Variants in XKR4 observed in about 807,000 individuals in gnomAD.
The protein encoded by XKR4 is XK related 4.
XKR4 carries 12 observed loss-of-function variants against 53.9 expected under a neutral mutation model. The ratio of observed to expected loss-of-function variants is 0.22; its 90% CI spans 0.14 to 0.36. The LOEUF (loss-of-function observed/expected upper bound fraction) is 0.36, where lower values mean the gene tolerates loss of function less well. XKR4 is among the 10% of genes least tolerant of loss of function. The pLI, the probability that XKR4 is intolerant of heterozygous loss-of-function variation, is 1.00. For missense variants in XKR4, 799 were observed against 859.5 expected (o/e 0.93, Z 0.88); for synonymous variants, 354 against 362.4 (o/e 0.98, Z 0.26).
In XKR4 at chr8:55,149,694, C is replaced by T. The variant is rs147216370; in HGVS notation, c.806+46400C>T. 2.2e-3 allele frequency among the ~76,000 whole-genome samples: 329 copies of T among 152,164 alleles called. 1 individual carries two copies. Among genetic ancestry groups the T allele is most frequent in the African/African-American group, 6.7e-3 (280 of 41,512 alleles). ...TTTATAGCTTAGCTGAGCCCATAGC[C>T]GGACAGCAGCCAGCAGGCTGGGATT... On this transcript the variant is annotated intron_variant, in intron 1 of 2. Transcript: ENST00000327381.
At chr8:55,319,705 A>G (rs1383659620) in intron 1 of XKR4, among the ~76,000 whole-genome samples, 4 of 152,254 alleles carry the variant, frequency 2.6e-5, no homozygotes, top group African/African-American at 9.6e-5. Context: ...ATAACAAAGT[A>G]TGAAGGACCT....
rs1053451266 is a variant in XKR4, at chr8:55,225,844, A to T, written c.806+122550A>T. ...ACTCCACATAAAATGTACTATTATA[A>T]TGTCTCAAGTGTTTTAGTTTGTTTG... On this transcript the variant is annotated intron_variant, in intron 1 of 2. Coordinates refer to ENST00000327381, the MANE Select transcript of XKR4 (RefSeq NM_052898.2). 2.0e-5 allele frequency among the ~76,000 whole-genome samples: 3 copies of T among 152,242 alleles called. No individual in the cohort carries two copies. The South Asian group carries it at 6.2e-4, about 31-fold the overall frequency.
chr8:55,512,899 A>T (rs986736672), intron 2 of XKR4, among the ~76,000 whole-genome samples: 2 of 151,818 alleles, frequency 1.3e-5, no homozygotes, highest in Non-Finnish European at 2.9e-5. Context: ...GTTTAAGCAG[A>T]CTCCCAGCTC....
rs1457418834 is a variant in XKR4, at chr8:55,398,549, G to A, written c.1006+40672G>A. ...GAAAGGAGGATGAGTTCCTCCACAC[G>A]GTGGAGGAGGGCGTGTTCATCTTTG... On this transcript the variant is annotated intron_variant, in intron 2 of 2. Transcript: ENST00000327381. Among the ~76,000 whole-genome samples, 5 of 152,164 alleles carry A rather than the reference G, an allele frequency of 3.3e-5. No individual in the cohort carries two copies. In the South Asian group the frequency reaches 6.2e-4, roughly 19 times the overall value.
intron 2 of XKR4, among the ~76,000 whole-genome samples, chr8:55,478,739 G>A (rs942326394): frequency 3.9e-5 from 6 of 151,990 alleles, no homozygotes; most frequent in Non-Finnish European, 4.4e-5. Flanking sequence ...AAAAAGGCAG[G>A]GGTTGCAATC....
At chr8:55,330,415 A>G (rs1755099689) in intron 1 of XKR4, among the ~76,000 whole-genome samples, 1 of 152,200 alleles carries the variant, frequency 6.6e-6, no homozygotes, top group Non-Finnish European at 1.5e-5. Flanking sequence ...AGAAGGGAGT[A>G]ATATATCTGA....
intron 1 of XKR4, among the ~76,000 whole-genome samples, chr8:55,202,621 G>T (rs554955849): frequency 6.6e-6 from 1 of 152,276 alleles, no homozygotes; most frequent in South Asian, 2.1e-4. Context: ...GAAGGTCTGG[G>T]GTTTGCTGGG....
intron 2 of XKR4, among the ~76,000 whole-genome samples, chr8:55,396,667 C>T (rs368672462): frequency 2.2e-4 from 33 of 152,102 alleles, no homozygotes; most frequent in African/African-American, 7.5e-4. Flanking sequence ...GGAGGTAAAG[C>T]GGAACTGGAA....
At chr8:55,289,514 CAA>C (rs1363602649) in intron 1 of XKR4, among the ~76,000 whole-genome samples, 2 of 56,682 alleles carry the variant, frequency 3.5e-5, no homozygotes, top group Non-Finnish European at 6.6e-5. Flanking sequence ...GATTCTGTCT[CAA>C]AAAAAAAAAA....
intron 2 of XKR4, among the ~76,000 whole-genome samples, chr8:55,477,331 C>T (rs917389643): frequency 1.3e-5 from 2 of 152,280 alleles, no homozygotes; most frequent in East Asian, 1.9e-4. Flanking sequence ...TCCAACAGAC[C>T]TGCAGCTGAG....
chr8:55,317,937 A>G (rs1803126705), intron 1 of XKR4, among the ~76,000 whole-genome samples: 2 of 152,324 alleles, frequency 1.3e-5, no homozygotes, highest in South Asian at 4.1e-4. Flanking sequence ...TAAAAATAAA[A>G]ACCACTAAGA....
At chr8:55,222,043 G>A (rs1817888457) in intron 1 of XKR4, among the ~76,000 whole-genome samples, 1 of 152,180 alleles carries the variant, frequency 6.6e-6, no homozygotes, top group Non-Finnish European at 1.5e-5. Flanking sequence ...TCCTGTCCCA[G>A]AGAGTGCCCC....
intron 2 of XKR4, among the ~76,000 whole-genome samples, chr8:55,394,871 C>G (rs1398492904): frequency 6.6e-6 from 1 of 152,204 alleles, no homozygotes; most frequent in Non-Finnish European, 1.5e-5. Context: ...TCATGAAATT[C>G]TCCATCTTTT....
At chr8:55,459,059 T>C (rs1478613090) in intron 2 of XKR4, among the ~76,000 whole-genome samples, 1 of 152,160 alleles carries the variant, frequency 6.6e-6, no homozygotes, top group African/African-American at 2.4e-5. Context: ...TGTAATGATA[T>C]TGGAGTAATA....
intron 2 of XKR4, chr8:55,451,609 C>T (rs1378416170): frequency 1.4e-6 from 2 of 1,462,876 alleles, no homozygotes; most frequent in Non-Finnish European, 9.3e-7. Context: ...AACGGTGAAG[C>T]GGTTCTGGCG....
chr8:55,527,627 T>C lies in XKR4; in HGVS notation c.*3400T>C, dbSNP rs181031724. On this transcript the variant is annotated 3_prime_UTR_variant, in exon 3 of 3. Coordinates refer to ENST00000327381, the MANE Select transcript of XKR4 (RefSeq NM_052898.2). ...AATGACTATGTCCTTTAAATCCTCT[T>C]TGCTTATTTACTTAACTACATACTG... The C allele has an allele frequency of 1.3e-5, 2 of 152,332 alleles. No individual in the cohort carries two copies. Among genetic ancestry groups the C allele is most frequent in the East Asian group, 1.9e-4 (1 of 5,190 alleles). The allele number at this position is 152,332 out of a possible 1,614,324, so 9.4% of individuals were successfully genotyped here. A position where few individuals can be genotyped will look rare whatever the true frequency, so the allele number is the denominator to read the frequency against.
At chr8:55,469,360 C>G (rs1167959499) in intron 2 of XKR4, among the ~76,000 whole-genome samples, 1 of 152,070 alleles carries the variant, frequency 6.6e-6, no homozygotes, top group Non-Finnish European at 1.5e-5. Context: ...TTTTTGTCTT[C>G]CCCATGCTTA....
intron 1 of XKR4, among the ~76,000 whole-genome samples, chr8:55,318,639 T>C (rs147874344): frequency 1.3e-5 from 2 of 152,306 alleles, no homozygotes; most frequent in South Asian, 2.1e-4. Flanking sequence ...GAGAACCTAC[T>C]ACCCTAACAT....
chr8:55,539,362 A>C lies in XKR4; in HGVS notation c.*15135A>C, dbSNP rs1194678182. 6.6e-6 allele frequency: 1 copy of C among 152,214 alleles called. No individual in the cohort carries two copies. Among genetic ancestry groups the C allele is most frequent in the African/African-American group, 2.4e-5 (1 of 41,460 alleles). 9.4% of individuals were successfully genotyped at this position (152,214 alleles called of 1,614,324 possible). A position where few individuals can be genotyped will look rare whatever the true frequency, so the allele number is the denominator to read the frequency against. ...AATGTGCACACTCTTAAAAACACAA[A>C]ATGGGTTTCAGAAAGTTTACCTTGA... On this transcript the variant is annotated 3_prime_UTR_variant, in exon 3 of 3. Coordinates refer to ENST00000327381, the MANE Select transcript of XKR4 (RefSeq NM_052898.2).
Sources: gnomAD v4.1 joint callset for allele counts (sites outside exome capture counted in the v4.1 genomes callset) on GRCh38, gnomAD v4.1.1 for gene constraint, MANE v1.5 for transcripts, NCBI Gene and HGNC (gene_info 2026-07-23, HGNC 2026-07-21) for gene names.